Variants in PTPN12 observed in about 807,000 individuals in gnomAD.
The protein encoded by PTPN12 is protein tyrosine phosphatase non-receptor type 12, also known as tyrosine-protein phosphatase non-receptor type 12.
In PTPN12, 29 loss-of-function variants were observed where a neutral mutation model predicts 97.6. The observed-to-expected ratio is 0.30, with a 90% CI of 0.22 to 0.41. The LOEUF is 0.41. Among genes scored for constraint, PTPN12 ranks in the 10% least tolerant of loss-of-function variants. The probability of loss-of-function intolerance (pLI) is 1.00; values close to 1 mark genes in which losing one functional copy is unlikely to be tolerated. For synonymous variants in PTPN12, 327 were observed against 300.4 expected (o/e 1.09, Z -0.91); for missense variants, 819 against 926.0 (o/e 0.88, Z 1.50).
intron 1 of PTPN12, among the ~76,000 whole-genome samples, chr7:77,547,140 C>T (rs1807263094): frequency 6.6e-6 from 1 of 151,766 alleles, no homozygotes; most frequent in Admixed American, 6.6e-5. Context: ...TCTCTGTCAT[C>T]CATCCATGGT....
intron 13 of PTPN12, among the ~76,000 whole-genome samples, chr7:77,628,295 G>A (rs1458220332): frequency 1.3e-5 from 2 of 152,022 alleles, no homozygotes. Flanking sequence ...TATTTTTTTA[G>A]CACTCTTAGC....
rs1248383125 is a variant in PTPN12, at chr7:77,635,866, T to C, written c.2142+17T>C. On this transcript the variant is annotated intron_variant, in intron 15 of 17. Transcript: ENST00000248594. ...AAGTCTGAAGTAAGTCCTTTTGGAA[T>C]TGGAACAGTTATAGCTTAACATTTC... The C allele has an allele frequency of 1.3e-6, 2 of 1,564,530 alleles. No homozygotes were observed. Among genetic ancestry groups the C allele is most frequent in the Non-Finnish European group, 1.7e-6 (2 of 1,144,832 alleles).
intron 2 of PTPN12, among the ~76,000 whole-genome samples, chr7:77,580,619 A>G (rs1787483208): frequency 1.3e-5 from 2 of 152,182 alleles, no homozygotes. Flanking sequence ...TAAAAATTAT[A>G]TACATATTCC....
chr7:77,621,666 A>G (rs999091199), intron 12 of PTPN12, among the ~76,000 whole-genome samples: 1 of 143,864 alleles, frequency 7.0e-6, no homozygotes, highest in African/African-American at 2.7e-5. Flanking sequence ...GCGAGACTCC[A>G]TCTCAAAAAA....
intron 1 of PTPN12, among the ~76,000 whole-genome samples, chr7:77,541,375 C>A (rs1335392662): frequency 1.3e-5 from 2 of 152,128 alleles, no homozygotes; most frequent in Admixed American, 6.5e-5. Flanking sequence ...CAGGTGTGAG[C>A]CACCGTAGCC....
chr7:77,545,048 G>A (rs1807149407), intron 1 of PTPN12, among the ~76,000 whole-genome samples: 1 of 152,190 alleles, frequency 6.6e-6, no homozygotes, highest in Non-Finnish European at 1.5e-5. Flanking sequence ...ATTAGCTGCA[G>A]TTTCTTAAGG....
chr7:77,537,572 A>G lies in PTPN12; in HGVS notation c.26A>G (p.Lys9Arg). 1.3e-6 allele frequency: 2 copies of G among 1,599,936 alleles called. No homozygotes were observed. The highest frequency in any genetic ancestry group is 2.3e-5 in the East Asian group (1 of 42,982). Residue 9 changes from lysine to arginine, a missense_variant, in exon 1 of 18, where the codon AAA (lysine) becomes AGA (arginine). By Grantham distance (26) the Lys-to-Arg change is conservative (BLOSUM62 2). Around this residue, in one of 5 missense-constraint regions of PTPN12, gnomAD observed 59 missense variants for 42.2 expected, o/e 1.40. Transcript: ENST00000248594. ...ATGGAGCAAGTGGAGATCCTGAGGA[A>G]ATTCATCCAGAGGGTCCAGGCCATG... MEQVEILR[K>R]FIQRVQAMKS...
chr7:77,551,049 T>C (rs1221907278), intron 1 of PTPN12, among the ~76,000 whole-genome samples: 1 of 152,146 alleles, frequency 6.6e-6, no homozygotes, highest in East Asian at 1.9e-4. Flanking sequence ...TTTATTTATT[T>C]ATTTATTTAT....
At chr7:77,612,657 C>G (rs531686452) in intron 11 of PTPN12, among the ~76,000 whole-genome samples, 2 of 152,066 alleles carry the variant, frequency 1.3e-5, no homozygotes, top group Non-Finnish European at 2.9e-5. Context: ...AGGCTGGTCT[C>G]GAACTCCCAA....
chr7:77,559,914 A>G (rs1807921435), intron 1 of PTPN12, among the ~76,000 whole-genome samples: 1 of 152,222 alleles, frequency 6.6e-6, no homozygotes, highest in Non-Finnish European at 1.5e-5. Context: ...ATGGGATAAA[A>G]TGTGTAAACA....
In PTPN12 at chr7:77,639,480, A is replaced by T. The variant is rs1789722649; in HGVS notation, c.*200A>T. 1 of 535,720 alleles carries T rather than the reference A, an allele frequency of 1.9e-6. No individual in the cohort carries two copies. Among genetic ancestry groups the T allele is most frequent in the African/African-American group, 1.9e-5 (1 of 52,670 alleles). The allele number at this position is 535,720 out of a possible 1,614,324, so 33.2% of individuals were successfully genotyped here. A position where few individuals can be genotyped will look rare whatever the true frequency, so the allele number is the denominator to read the frequency against. ...ACATATGGTTTATTTTGAAACTTCA[A>T]GTATTATTGCCTTAATGTCTCTTAA... On this transcript the variant is annotated 3_prime_UTR_variant, in exon 18 of 18. Transcript: ENST00000248594.
At chr7:77,571,942 A>G (rs1787156576) in intron 2 of PTPN12, among the ~76,000 whole-genome samples, 1 of 152,122 alleles carries the variant, frequency 6.6e-6, no homozygotes, top group Non-Finnish European at 1.5e-5. Flanking sequence ...TTATCCAGTA[A>G]AAGCTATACG....
At chr7:77,566,438 G>C (rs1808258634) in intron 1 of PTPN12, among the ~76,000 whole-genome samples, 1 of 152,072 alleles carries the variant, frequency 6.6e-6, no homozygotes, top group Admixed American at 6.6e-5. Flanking sequence ...GACTTCTGGG[G>C]TAGGCTGGTG....
rs767352628 is a variant in PTPN12 at position 77,627,064 on chromosome 7, T to A, written c.1385T>A (p.Ile462Asn). ...ACACTTTTGAATAGGGGACATGCAATTAAAATTAAATCTGCTTCACCTTGT... is the reference window on the plus strand; with the variant it reads ...ACACTTTTGAATAGGGGACATGCAAATAAAATTAAATCTGCTTCACCTTGT... Reference protein sequence around the residue: ...GNTLLNRGHAIKIKSASPCIA... With the variant: ...GNTLLNRGHANKIKSASPCIA... The change falls in exon 13 of 18, where the codon ATT (isoleucine) becomes AAT (asparagine). Residue 462 changes from isoleucine to asparagine, a missense_variant. Ile to Asn is a moderately radical substitution (Grantham distance 149). Around this residue, in one of 5 missense-constraint regions of PTPN12, gnomAD observed 607 missense variants for 577.3 expected, o/e 1.05. Transcript: ENST00000248594. The A allele has an allele frequency of 3.3e-5, 53 of 1,613,782 alleles. No homozygotes were observed. The highest frequency in any genetic ancestry group is 4.4e-5 in the Non-Finnish European group (52 of 1,179,888).
chr7:77,575,350 CAT>C (rs1787307092), intron 2 of PTPN12, among the ~76,000 whole-genome samples: 1 of 152,070 alleles, frequency 6.6e-6, no homozygotes, highest in African/African-American at 2.4e-5. Context: ...CGCACACACA[CAT>C]ACTCTCTCTT....
intron 12 of PTPN12, among the ~76,000 whole-genome samples, chr7:77,624,047 GT>G (rs1479233257): frequency 6.6e-6 from 1 of 152,230 alleles, no homozygotes; most frequent in African/African-American, 2.4e-5. Context: ...AATTGCTTAA[GT>G]TTAGGAGTTT....
intron 8 of PTPN12, chr7:77,604,809 T>TA: frequency 8.2e-6 from 3 of 365,726 alleles, no homozygotes; most frequent in African/African-American, 6.4e-5. Flanking sequence ...ATATATATAT[T>TA]TTTATCCACC....
intron 8 of PTPN12, chr7:77,604,985 T>A (rs909029455): frequency 1.9e-5 from 5 of 267,406 alleles, no homozygotes; most frequent in Non-Finnish European, 3.9e-5. Flanking sequence ...TTCTATTGTG[T>A]TTCATTGATC....
chr7:77,568,669 A>G (rs1175604829), intron 1 of PTPN12, among the ~76,000 whole-genome samples: 1 of 152,216 alleles, frequency 6.6e-6, no homozygotes, highest in Non-Finnish European at 1.5e-5. Flanking sequence ...TGAATGAAAA[A>G]GAAAAAGCTT....
Sources: allele counts gnomAD v4.1 joint callset (sites outside exome capture counted in the v4.1 genomes callset), GRCh38; gene constraint gnomAD v4.1.1; regional missense constraint gnomAD v4.1.1; transcripts MANE v1.5; gene names NCBI Gene and HGNC (gene_info 2026-07-23, HGNC 2026-07-21).